The following PTPRS variants were observed in gnomAD, a reference collection of about 807,000 sequenced individuals.
PTPRS encodes protein tyrosine phosphatase receptor type S, also known as receptor-type tyrosine-protein phosphatase S.
Under a neutral mutation model 215.3 loss-of-function variants are expected in PTPRS, and 63 were observed. The ratio of observed to expected loss-of-function variants is 0.29; its 90% CI spans 0.24 to 0.36. The LOEUF (loss-of-function observed/expected upper bound fraction) is 0.36. PTPRS is among the 10% of genes least tolerant of loss of function. PTPRS has a pLI of 1.00. For synonymous variants in PTPRS, 1,404 were observed against 1,191.4 expected, an observed-to-expected ratio of 1.18 and a Z score of -3.68; for missense variants, 2,258 against 2,825.8, an observed-to-expected ratio of 0.80 and a Z score of 4.56.
chr19:5,308,081 A>G (rs2147134213), intron 1 of PTPRS, among the ~76,000 whole-genome samples: 1 of 152,314 alleles, frequency 6.6e-6, no homozygotes, highest in East Asian at 1.9e-4. Context: ...ATTCTCCACC[A>G]TGCATTTTTC....
intron 1 of PTPRS, among the ~76,000 whole-genome samples, chr19:5,321,316 G>A (rs1009923657): frequency 2.0e-5 from 3 of 152,128 alleles, no homozygotes; most frequent in African/African-American, 4.8e-5. Context: ...ACAGGGAAAT[G>A]TGAGTCACGT....
chr19:5,335,045 C>T (rs1440088787), intron 1 of PTPRS, among the ~76,000 whole-genome samples: 5 of 152,156 alleles, frequency 3.3e-5, no homozygotes, highest in Admixed American at 1.3e-4. Flanking sequence ...GCGCCAACCT[C>T]GCTTCCCCAG....
chr19:5,224,133 C>T (rs555628665), intron 17 of PTPRS, among the ~76,000 whole-genome samples: 374 of 151,806 alleles, frequency 2.5e-3, no homozygotes, highest in African/African-American at 8.5e-3. Context: ...GAGCCAAGAT[C>T]GTGCCACTGC....
In PTPRS at chr19:5,294,380, A is replaced by T. The variant is rs1281311392; in HGVS notation, c.-94-8146T>A. The T allele has an allele frequency of 6.6e-6, 1 of 152,330 alleles. No homozygotes were observed. The highest frequency in any genetic ancestry group is 6.5e-5 in the Admixed American group (1 of 15,280). The allele number at this position is 152,330 out of a possible 1,614,324, so 9.4% of individuals were successfully genotyped here. A position where few individuals can be genotyped will look rare whatever the true frequency, so the allele number is the denominator to read the frequency against. ...GGTCCAGAGGAGGAGCTCTCACCAC[A>T]GCGCTGCTGGAGGCCTGGGGCCCCC... is the stretch of plus-strand genomic sequence containing the variant. On this transcript the variant is annotated intron_variant, in intron 1 of 37. Transcript: ENST00000262963. This position sits in a 1 kb window ranked among gnomAD's most constrained non-coding sequence, Gnocchi z 5.1.
At chr19:5,241,074 G>C (rs1599630692) in intron 11 of PTPRS, among the ~76,000 whole-genome samples, 1 of 150,572 alleles carries the variant, frequency 6.6e-6, no homozygotes, top group African/African-American at 2.4e-5. Flanking sequence ...ATTTTTAGTA[G>C]AGACGGGATT....
chr19:5,265,190 T>C lies in PTPRS; in HGVS notation c.386A>G (p.Gln129Arg). 2 of 1,613,382 alleles carry C rather than the reference T, an allele frequency of 1.2e-6. No homozygotes were observed. The highest frequency in any genetic ancestry group is 1.7e-6 in the Non-Finnish European group (2 of 1,179,594). The change falls in exon 5 of 38, where the codon CAG (glutamine) becomes CGG (arginine). Residue 129 changes from glutamine to arginine, a missense_variant. Physicochemically the swap from Gln to Arg is conservative, Grantham distance 43. This residue lies in a region of PTPRS where 508 missense variants were observed against 799.4 expected (regional missense o/e 0.64). Transcript: ENST00000262963. The part of the protein sequence containing the change: ...HAKLTVLRED[Q>R]LPSGFPNIDM... ...GATGTTGGGGAAGCCAGAGGGCAGC[T>C]GGTCCTCTGAGGGCAGAGACGTGAG...
At chr19:5,335,486 A>G (rs528830845) in intron 1 of PTPRS, among the ~76,000 whole-genome samples, 69 of 152,260 alleles carry the variant, frequency 4.5e-4, no homozygotes, top group African/African-American at 1.6e-3. Flanking sequence ...CTGAAAGGGA[A>G]GAGGGGAAGT....
At chr19:5,335,103 C>T (rs566287922) in intron 1 of PTPRS, among the ~76,000 whole-genome samples, 10 of 152,286 alleles carry the variant, frequency 6.6e-5, no homozygotes, top group Admixed American at 1.3e-4. Context: ...GACAGCGCGA[C>T]GATGGGCCAT....
At chr19:5,336,975 T>G (rs1033967060) in intron 1 of PTPRS, among the ~76,000 whole-genome samples, 3 of 152,144 alleles carry the variant, frequency 2.0e-5, no homozygotes, top group Admixed American at 6.5e-5. Context: ...GAGCCTACCC[T>G]GGATGCAGAG....
intron 17 of PTPRS, among the ~76,000 whole-genome samples, chr19:5,224,715 G>C (rs1014255796): frequency 2.0e-5 from 3 of 152,088 alleles, no homozygotes; most frequent in African/African-American, 7.3e-5. Flanking sequence ...GAGAGAGGAG[G>C]GAAGTGCCCT....
At chr19:5,309,184 CAG>C (rs529341560) in intron 1 of PTPRS, among the ~76,000 whole-genome samples, 1 of 152,124 alleles carries the variant, frequency 6.6e-6, no homozygotes, top group Admixed American at 6.6e-5. Flanking sequence ...TGGTGGTGAG[CAG>C]AGTGTGCAGG....
At chr19:5,213,961 G>C (rs986263552) in intron 30 of PTPRS, among the ~76,000 whole-genome samples, 1 of 152,210 alleles carries the variant, frequency 6.6e-6, no homozygotes, top group African/African-American at 2.4e-5. Context: ...GACTTTGCAG[G>C]GCTGCCAATA....
At chr19:5,220,417 G>C in intron 20 of PTPRS, 64 bp from the exon 21 acceptor site, 1 of 1,310,858 alleles carries the variant, frequency 7.6e-7, no homozygotes, top group Non-Finnish European at 1.1e-6. Flanking sequence ...ATGCTTCATG[G>C]GGGCAAACGG....
At chr19:5,274,775 G>A (rs1271198472) in intron 2 of PTPRS, among the ~76,000 whole-genome samples, 1 of 152,224 alleles carries the variant, frequency 6.6e-6, no homozygotes, top group Non-Finnish European at 1.5e-5. Context: ...ACCCTGGAGG[G>A]CCCTGAAAGC....
chr19:5,217,900 C>CT (rs2041629329), intron 25 of PTPRS, among the ~76,000 whole-genome samples: 1 of 152,086 alleles, frequency 6.6e-6, no homozygotes, highest in Non-Finnish European at 1.5e-5. Flanking sequence ...TGTCAGGTGA[C>CT]TTTAATCTAC....
Position 5,246,349 on chromosome 19 carries a change from A to G in PTPRS, c.719-304T>C, listed in dbSNP as rs543248519. ...AAGGTACTTCACAAACAATATATAG[A>G]GAGATATATCAATATATAATAGACA... On this transcript the variant is annotated intron_variant, in intron 9 of 37. Coordinates refer to ENST00000262963, the MANE Select transcript of PTPRS (RefSeq NM_002850.4). 2.0e-5 allele frequency among the ~76,000 whole-genome samples: 3 copies of G among 152,332 alleles called. No individual in the cohort carries two copies. In the East Asian group the frequency reaches 5.8e-4, roughly 29 times the overall value.
At chr19:5,229,280 C>T in intron 16 of PTPRS, 36 bp downstream of exon 16, 1 of 1,369,256 alleles carries the variant, frequency 7.3e-7, no homozygotes, top group Non-Finnish European at 9.5e-7. Context: ...GCGGGAAGCG[C>T]ACAGCAGTAG....
intron 1 of PTPRS, among the ~76,000 whole-genome samples, chr19:5,320,060 C>T (rs1044915871): frequency 1.3e-5 from 2 of 152,198 alleles, no homozygotes; most frequent in Non-Finnish European, 2.9e-5. Flanking sequence ...TGATGGAAAG[C>T]GCAAAATCGG....
intron 5 of PTPRS, among the ~76,000 whole-genome samples, chr19:5,264,622 T>C (rs908558530): frequency 1.3e-5 from 2 of 152,196 alleles, no homozygotes; most frequent in African/African-American, 4.8e-5. Context: ...CCTCAGTGGC[T>C]TCCTATCACC....
Sources: allele counts gnomAD v4.1 joint callset (sites outside exome capture counted in the v4.1 genomes callset), GRCh38; gene constraint gnomAD v4.1.1; regional missense constraint gnomAD v4.1.1; non-coding constraint Gnocchi (gnomAD v3.1); transcripts MANE v1.5; gene names NCBI Gene and HGNC (gene_info 2026-07-23, HGNC 2026-07-21).